The following MAGI2 variants were observed in gnomAD, a reference collection of about 807,000 sequenced individuals.
MAGI2 encodes the protein membrane-associated guanylate kinase, WW and PDZ domain-containing protein 2.
MAGI2 carries 35 observed loss-of-function variants against 133.3 expected under a neutral mutation model. That is an observed-to-expected ratio of 0.26 (90% CI 0.20 to 0.35). The LOEUF is 0.35. Among genes scored for constraint, MAGI2 ranks in the 10% least tolerant of loss-of-function variants. MAGI2 has a pLI of 1.00. For synonymous variants in MAGI2, 729 were observed against 710.6 expected (o/e 1.03, Z -0.41); for missense variants, 1,636 against 1,863.4 (o/e 0.88, Z 2.25).
At chr7:79,362,462 G>A (rs1406598211) in intron 1 of MAGI2, among the ~76,000 whole-genome samples, 1 of 151,892 alleles carries the variant, frequency 6.6e-6, no homozygotes, top group African/African-American at 2.4e-5. Flanking sequence ...CAATTTTAAC[G>A]AATCCCTTTG....
intron 1 of MAGI2, among the ~76,000 whole-genome samples, chr7:79,146,060 T>TG (rs1822586635): frequency 6.6e-6 from 1 of 152,190 alleles, no homozygotes; most frequent in Non-Finnish European, 1.5e-5. Flanking sequence ...GAGATTTTTT[T>TG]TTTTCCTTAA....
At chr7:79,448,243 T>A (rs1369406941) in intron 1 of MAGI2, among the ~76,000 whole-genome samples, 1 of 152,054 alleles carries the variant, frequency 6.6e-6, no homozygotes, top group Non-Finnish European at 1.5e-5. Flanking sequence ...CCATTGTATT[T>A]ATTGATATTA....
chr7:78,644,448 A>C (rs1305457906), intron 2 of MAGI2, among the ~76,000 whole-genome samples: 1 of 152,198 alleles, frequency 6.6e-6, no homozygotes, highest in Non-Finnish European at 1.5e-5. Context: ...AAGACACATC[A>C]TAAAAATGAT....
At chr7:78,322,595 C>T (rs992861270) in intron 9 of MAGI2, among the ~76,000 whole-genome samples, 3 of 152,046 alleles carry the variant, frequency 2.0e-5, no homozygotes, top group African/African-American at 7.2e-5. Flanking sequence ...GAACATCACA[C>T]ACTGGGGCCT....
chr7:78,774,452 C>A (rs1033947185), intron 2 of MAGI2, among the ~76,000 whole-genome samples: 1 of 152,196 alleles, frequency 6.6e-6, no homozygotes, highest in Non-Finnish European at 1.5e-5. Context: ...CAAGAATCCT[C>A]TTCTCTCTCT....
chr7:78,452,594 T>A (rs1788846621), intron 6 of MAGI2, among the ~76,000 whole-genome samples: 1 of 151,900 alleles, frequency 6.6e-6, no homozygotes, highest in African/African-American at 2.4e-5. Flanking sequence ...TATGCAGTGT[T>A]TAATTAATTT....
At chr7:78,161,073 C>T (rs188665586) in intron 15 of MAGI2, among the ~76,000 whole-genome samples, 1 of 152,220 alleles carries the variant, frequency 6.6e-6, no homozygotes, top group East Asian at 1.9e-4. Flanking sequence ...TAATTTCAGG[C>T]TCTGAAATTA....
chr7:78,260,012 GCAA>G (rs1238413857), intron 9 of MAGI2, among the ~76,000 whole-genome samples: 1 of 152,124 alleles, frequency 6.6e-6, no homozygotes, highest in African/African-American at 2.4e-5. Context: ...AAAGAACACT[GCAA>G]CAATATCTTT....
intron 2 of MAGI2, among the ~76,000 whole-genome samples, chr7:78,632,445 T>C (rs1809119388): frequency 6.6e-6 from 1 of 152,312 alleles, no homozygotes; most frequent in East Asian, 1.9e-4. Context: ...TTGTAGGCTG[T>C]ACACTACCCA....
intron 9 of MAGI2, among the ~76,000 whole-genome samples, chr7:78,264,700 T>C (rs1359905911): frequency 6.6e-6 from 1 of 152,210 alleles, no homozygotes; most frequent in Non-Finnish European, 1.5e-5. Flanking sequence ...TGTGTGATCT[T>C]GGGCGAAGTA....
At chr7:78,414,369 A>T (rs2151384565) in intron 6 of MAGI2, among the ~76,000 whole-genome samples, 1 of 152,184 alleles carries the variant, frequency 6.6e-6, no homozygotes, top group East Asian at 1.9e-4. Flanking sequence ...TTTAACAAAA[A>T]CATGAAAAAA....
intron 1 of MAGI2, among the ~76,000 whole-genome samples, chr7:79,133,698 A>T (rs1056304217): frequency 6.6e-5 from 10 of 152,328 alleles, no homozygotes; most frequent in Non-Finnish European, 1.0e-4. Context: ...ACCAAAAATA[A>T]AGATAAAAAG....
chr7:78,494,712 T>C (rs1793930994), intron 5 of MAGI2, among the ~76,000 whole-genome samples: 1 of 152,206 alleles, frequency 6.6e-6, no homozygotes, highest in Non-Finnish European at 1.5e-5. Context: ...AAAAATTCAA[T>C]TTCATCAACT....
intron 2 of MAGI2, among the ~76,000 whole-genome samples, chr7:78,722,388 A>G (rs1046259821): frequency 3.3e-5 from 5 of 152,002 alleles, no homozygotes; most frequent in Non-Finnish European, 5.9e-5. Flanking sequence ...ACATGTTTCA[A>G]AATAGGTTTC....
chr7:78,543,791 T>C (rs1054395472), intron 3 of MAGI2, among the ~76,000 whole-genome samples: 1 of 152,220 alleles, frequency 6.6e-6, no homozygotes, highest in South Asian at 2.1e-4. Flanking sequence ...TATTTGGAAG[T>C]TTTATTTTAA....
chr7:79,153,249 A>T (rs993084029), intron 1 of MAGI2, among the ~76,000 whole-genome samples: 1 of 152,166 alleles, frequency 6.6e-6, no homozygotes, highest in Non-Finnish European at 1.5e-5. Flanking sequence ...CATTTATTTC[A>T]TGTCTTCAAG....
chr7:79,018,959 A>G (rs1562793763), intron 1 of MAGI2, among the ~76,000 whole-genome samples: 1 of 152,220 alleles, frequency 6.6e-6, no homozygotes, highest in Non-Finnish European at 1.5e-5. Flanking sequence ...TTAACACTCC[A>G]CTGAGAGTAT....
At chr7:79,282,574 C>G (rs781213925) in intron 1 of MAGI2, among the ~76,000 whole-genome samples, 43 of 151,782 alleles carry the variant, frequency 2.8e-4, no homozygotes, top group Non-Finnish European at 2.1e-4. Flanking sequence ...TAAGCCAAGA[C>G]ATAACAAAAA....
chr7:79,077,390 T>C (rs979264453), intron 1 of MAGI2, among the ~76,000 whole-genome samples: 11 of 150,388 alleles, frequency 7.3e-5, no homozygotes, highest in African/African-American at 2.7e-4. Flanking sequence ...ACCCCGTCTC[T>C]AATAAAATAC....
Sources: gnomAD v4.1 joint callset for allele counts (sites outside exome capture counted in the v4.1 genomes callset) on GRCh38, gnomAD v4.1.1 for gene constraint, MANE v1.5 for transcripts, NCBI Gene and HGNC (gene_info 2026-07-23, HGNC 2026-07-21) for gene names.